The following CAST variants were observed in gnomAD, a reference collection of about 807,000 sequenced individuals.
CAST encodes calpastatin.
Under a neutral mutation model 119.6 loss-of-function variants are expected in CAST, and 76 were observed. The ratio of observed to expected loss-of-function variants is 0.64; its 90% CI spans 0.53 to 0.77. The LOEUF is 0.77. CAST is among the 30% of genes least tolerant of loss of function. The probability of loss-of-function intolerance (pLI) is 0.00; values close to 1 mark genes in which losing one functional copy is unlikely to be tolerated. For synonymous variants in CAST, 319 were observed against 331.6 expected (o/e 0.96, Z 0.41); for missense variants, 953 against 946.5 (o/e 1.01, Z -0.09).
chr5:96,723,012 C>T (rs1229953760), intron 4 of CAST, among the ~76,000 whole-genome samples: 1 of 151,518 alleles, frequency 6.6e-6, no homozygotes, highest in Non-Finnish European at 1.5e-5. Flanking sequence ...GGTGTGATTA[C>T]ACTCACTGCA....
chr5:96,676,864 C>T (rs1750777438), intron 2 of CAST, among the ~76,000 whole-genome samples: 1 of 151,710 alleles, frequency 6.6e-6, no homozygotes. Flanking sequence ...ACCAGTCTGG[C>T]CAACATAGTG....
chr5:96,558,790 T>C (rs11744768), intron 1 of CAST, among the ~76,000 whole-genome samples: 19,798 of 152,248 alleles, frequency 0.13, 1,637 homozygotes, highest in Non-Finnish European at 0.19. Context: ...GAGGAGGAGC[T>C]AGTACCATTC....
At chr5:96,326,654 T>A in the CAST span, among the ~76,000 whole-genome samples, 1 of 151,952 alleles carries the variant, frequency 6.6e-6, no homozygotes, top group Non-Finnish European at 1.5e-5. Context: ...GTATTTCCTT[T>A]AAAAATGTAA....
At chr5:96,650,235 G>A (rs1019137450) in intron 1 of CAST, among the ~76,000 whole-genome samples, 9 of 152,136 alleles carry the variant, frequency 5.9e-5, no homozygotes, top group African/African-American at 1.9e-4. Context: ...GAGGGATGAG[G>A]GTCACTTCCA....
At chr5:96,261,726 C>T in the CAST span, among the ~76,000 whole-genome samples, 13 of 151,912 alleles carry the variant, frequency 8.6e-5, no homozygotes, top group Non-Finnish European at 1.5e-4. Flanking sequence ...TGAAATGTTG[C>T]TAGTGGAACA....
At chr5:96,540,218 G>C (rs1432384746) in intron 1 of CAST, among the ~76,000 whole-genome samples, 1 of 151,642 alleles carries the variant, frequency 6.6e-6, no homozygotes, top group Admixed American at 6.6e-5. Context: ...AAATCATAAG[G>C]AAAAAAGTCA....
the CAST span, among the ~76,000 whole-genome samples, chr5:96,043,961 C>A: frequency 4.6e-5 from 7 of 152,092 alleles, no homozygotes; most frequent in Admixed American, 2.0e-4. Flanking sequence ...AAAAAGAATT[C>A]AATGATGAAA....
Position 96,748,513 on chromosome 5 carries a change from T to G in CAST, c.1333-5T>G. 2 of 1,479,078 alleles carry G rather than the reference T, an allele frequency of 1.4e-6. No homozygotes were observed. The highest frequency in any genetic ancestry group is 2.3e-5 in the South Asian group (2 of 85,180). The allele number at this position is 1,479,078 out of a possible 1,614,324, so 91.6% of individuals were successfully genotyped here. A position where few individuals can be genotyped will look rare whatever the true frequency, so the allele number is the denominator to read the frequency against. Reference sequence around the variant, plus strand: ...TTGTAATATACAGCACTTCTTATATTACAGCCTCGGAGTGAATCAGAACTC... The same window carrying G: ...TTGTAATATACAGCACTTCTTATATGACAGCCTCGGAGTGAATCAGAACTC... On this transcript the variant is annotated splice_polypyrimidine_tract_variant and splice_region_variant and intron_variant, in intron 18 of 31. Transcript: ENST00000675179.
At chr5:96,524,853 G>C (rs1271571799), upstream of CAST, among the ~76,000 whole-genome samples, 1 of 152,182 alleles carries the variant, frequency 6.6e-6, no homozygotes, top group Admixed American at 6.5e-5. Context: ...GGTTAATATT[G>C]ATTCTTGCTA....
At chr5:96,429,292 AAGT>A in the CAST span, 7 of 1,590,424 alleles carry the variant, frequency 4.4e-6, no homozygotes, top group Non-Finnish European at 6.0e-6. Context: ...ATGTTTGAAT[AAGT>A]AGTGATTTTC....
At chr5:96,169,480 C>T in the CAST span, among the ~76,000 whole-genome samples, 4 of 152,148 alleles carry the variant, frequency 2.6e-5, no homozygotes, top group East Asian at 7.7e-4. Context: ...TGATAAGGTG[C>T]AGATCCTGAA....
the CAST span, among the ~76,000 whole-genome samples, chr5:96,361,388 A>T: frequency 6.6e-6 from 1 of 151,514 alleles, no homozygotes; most frequent in East Asian, 1.9e-4. Flanking sequence ...TGAAAAAAAA[A>T]CTCCTGCAGC....
chr5:96,704,102 C>T (rs945169621), intron 3 of CAST, among the ~76,000 whole-genome samples: 1 of 152,178 alleles, frequency 6.6e-6, no homozygotes. Flanking sequence ...GAATAAGCCA[C>T]CTATAGCAAT....
intron 1 of CAST, among the ~76,000 whole-genome samples, chr5:96,562,514 G>C (rs1164352561): frequency 6.6e-6 from 1 of 152,140 alleles, no homozygotes; most frequent in African/African-American, 2.4e-5. Context: ...AACAAGAGCT[G>C]TCATACATAC....
rs188734297 is a variant in CAST at position 96,585,859 on chromosome 5, T to G, written c.60+55979T>G. ...ACGTGCAGGACAAATTTTCTCGTCT[T>G]TGGTGTCCAAGGATTGTATTATTAA... On this transcript the variant is annotated intron_variant, in intron 1 of 11. Transcript: ENST00000505143. 4.8e-3 allele frequency among the ~76,000 whole-genome samples: 726 copies of G among 152,350 alleles called. 2 individuals are homozygous for G. The highest frequency in any genetic ancestry group is 7.4e-3 in the Non-Finnish European group (502 of 68,036).
the CAST span, among the ~76,000 whole-genome samples, chr5:96,086,755 G>C: frequency 6.6e-6 from 1 of 152,108 alleles, no homozygotes; most frequent in Non-Finnish European, 1.5e-5. Context: ...GATAACCCCG[G>C]TGAATTAGTT....
chr5:96,130,082 G>C, the CAST span, among the ~76,000 whole-genome samples: 1 of 141,362 alleles, frequency 7.1e-6, no homozygotes, highest in Admixed American at 7.4e-5. Context: ...CTTTCTTCCA[G>C]AGTACCTGTG....
chr5:96,443,964 A>C, the CAST span, among the ~76,000 whole-genome samples: 1 of 152,194 alleles, frequency 6.6e-6, no homozygotes, highest in African/African-American at 2.4e-5. Context: ...TCTTGTCAAA[A>C]TTTTTCCAGC....
At chr5:96,741,746 C>A in intron 15 of CAST, 166 bp downstream of exon 15, 1 of 579,698 alleles carries the variant, frequency 1.7e-6, no homozygotes, top group South Asian at 2.1e-5. Flanking sequence ...CATCTCCAGG[C>A]AAGCCTTGTG....
Sources: allele counts gnomAD v4.1 joint callset (sites outside exome capture counted in the v4.1 genomes callset), GRCh38; gene constraint gnomAD v4.1.1; transcripts MANE v1.5; gene names NCBI Gene and HGNC (gene_info 2026-07-23, HGNC 2026-07-21).